The following VPS39 variants were observed in gnomAD, a reference collection of about 807,000 sequenced individuals.
VPS39 encodes the protein VPS39 subunit of HOPS complex.
Under a neutral mutation model 121.0 loss-of-function variants are expected in VPS39, and 70 were observed. That is an observed-to-expected ratio of 0.58 (90% confidence interval 0.48 to 0.71). VPS39 has a LOEUF of 0.71. Among genes scored for constraint, VPS39 ranks in the 30% least tolerant of loss-of-function variants. The probability of loss-of-function intolerance (pLI) is 0.00; values close to 1 mark genes in which losing one functional copy is unlikely to be tolerated. For synonymous variants in VPS39, 378 were observed against 398.1 expected, an observed-to-expected ratio of 0.95 and a Z score of 0.60; for missense variants, 818 against 1,051.5, an observed-to-expected ratio of 0.78 and a Z score of 3.07.
intron 10 of VPS39, among the ~76,000 whole-genome samples, chr15:42,176,324 A>C (rs1348263187): frequency 6.6e-6 from 1 of 152,170 alleles, no homozygotes; most frequent in African/African-American, 2.4e-5. Context: ...AATATATGTA[A>C]AAGATTAAAC....
At position 42,191,132 on chromosome 15, in the gene VPS39, G is replaced by A. The variant is rs894359335; in HGVS notation, c.240C>T (p.Ser80=). 8.1e-6 allele frequency: 13 copies of A among 1,613,980 alleles called. No homozygotes were observed. The African/African-American group carries it at 1.7e-4, about 22-fold the overall frequency. The change falls in exon 4 of 25, where the codon AGC becomes AGT. Residue 80 remains serine (S), a synonymous_variant. Coordinates refer to ENST00000318006, the MANE Select transcript of VPS39 (RefSeq NM_015289.5). ...HVVSQFKILV[S]LLENNIYVHD... ...TGCAACTCCTTTTCTTACCTAACAAGCTGACCAGAATCTTAAACTGGGAAA... is the reference window on the plus strand; with the variant it reads ...TGCAACTCCTTTTCTTACCTAACAAACTGACCAGAATCTTAAACTGGGAAA...
chr15:42,178,579 G>T lies in VPS39; in HGVS notation c.719-9C>A, dbSNP rs761669317. 1.3e-4 allele frequency: 214 copies of T among 1,613,954 alleles called. 4 individuals are homozygous for T. In the South Asian group the frequency reaches 2.2e-3, roughly 17 times the overall value. ...GTAGGGAGGCTGGTGCTCTGTGAAAGAGAACATACACAGCAGTTGTTCCGG... is the reference window on the plus strand; with the variant it reads ...GTAGGGAGGCTGGTGCTCTGTGAAATAGAACATACACAGCAGTTGTTCCGG... On this transcript the variant is annotated splice_polypyrimidine_tract_variant and intron_variant, in intron 8 of 24. Coordinates refer to ENST00000318006, the MANE Select transcript of VPS39 (RefSeq NM_015289.5).
In VPS39 at chr15:42,164,446, C is replaced by T. The variant is rs148867918; in HGVS notation, c.1938G>A (p.Leu646=). ...TGAGGAGCTTTTGCCGGTATTCTCC[C>T]AGCTCACCCTCTTCCTCTCCAGCTG... ...PVPAGEEEGE[L]GEYRQKLLMF... The change falls in exon 19 of 25, where the codon CTG becomes CTA. Residue 646 remains leucine, a synonymous_variant. Coordinates refer to ENST00000318006, the MANE Select transcript of VPS39 (RefSeq NM_015289.5). The T allele has an allele frequency of 1.9e-5, 31 of 1,614,114 alleles. No individual in the cohort carries two copies. In the African/African-American group the frequency reaches 4.0e-4, roughly 21 times the overall value.
chr15:42,187,610 T>C, intron 6 of VPS39, 148 bp downstream of exon 6: 5 of 782,202 alleles, frequency 6.4e-6, no homozygotes, highest in Non-Finnish European at 1.1e-5. Context: ...TAGAATCATA[T>C]TACAAGTAGG....
intron 1 of VPS39, among the ~76,000 whole-genome samples, chr15:42,204,746 GAA>G (rs2050136048): frequency 6.6e-6 from 1 of 151,978 alleles, no homozygotes; most frequent in Non-Finnish European, 1.5e-5. Flanking sequence ...CTAAAACGAC[GAA>G]AAGTCTAGTT....
At chr15:42,175,512 C>T (rs2049434750) in intron 10 of VPS39, among the ~76,000 whole-genome samples, 1 of 152,204 alleles carries the variant, frequency 6.6e-6, no homozygotes, top group South Asian at 2.1e-4. Flanking sequence ...AATGCAGCTG[C>T]TATGAGCTTT....
rs755418166 is a variant in VPS39, at chr15:42,164,983, A to G, written c.1897+13T>C. 13 of 1,613,978 alleles carry G rather than the reference A, an allele frequency of 8.1e-6. No homozygotes were observed. In the Admixed American group the frequency reaches 1.8e-4, roughly 23 times the overall value. On this transcript the variant is annotated intron_variant, in intron 18 of 24. Transcript: ENST00000318006. ...AGGCCTGGGGCCAACCGGCTTCCTA[A>G]AAGAACTGGTACCTGCAGGGAAGGA...
intron 1 of VPS39, among the ~76,000 whole-genome samples, chr15:42,206,494 A>G (rs1427558168): frequency 6.6e-6 from 1 of 152,188 alleles, no homozygotes; most frequent in Non-Finnish European, 1.5e-5. Context: ...GGTGCAAGGA[A>G]TCTTTACTGT....
intron 10 of VPS39, among the ~76,000 whole-genome samples, chr15:42,175,696 C>T (rs2049439177): frequency 6.6e-6 from 1 of 152,004 alleles, no homozygotes; most frequent in Non-Finnish European, 1.5e-5. Flanking sequence ...CGCTCTCCTG[C>T]TTGGTGCTTC....
chr15:42,163,253 C>T, intron 21 of VPS39, 97 bp downstream of exon 21: 1 of 1,433,248 alleles, frequency 7.0e-7, no homozygotes, highest in Non-Finnish European at 9.8e-7. Flanking sequence ...CTGACTCGTG[C>T]CCTGTCTTAT....
At chr15:42,163,433 G>C in intron 20 of VPS39, 38 bp from the exon 21 acceptor site, 1 of 1,613,066 alleles carries the variant, frequency 6.2e-7, no homozygotes, top group Non-Finnish European at 8.5e-7. Flanking sequence ...GTGGTGTGAG[G>C]GGGGCACATC....
rs2049107711 is a variant in VPS39 at position 42,160,545 on chromosome 15, G to A, written c.*209C>T. On this transcript the variant is annotated 3_prime_UTR_variant, in exon 25 of 25. Transcript: ENST00000318006. The stretch of plus-strand genomic sequence containing the variant: ...ATTGCCCACAACATAATGGTATAAG[G>A]TATAACTAATCTCTTTTCCCATTAA... 1.7e-6 allele frequency: 1 copy of A among 591,610 alleles called. No individual in the cohort carries two copies. Among genetic ancestry groups the A allele is most frequent in the Non-Finnish European group, 3.0e-6 (1 of 330,294 alleles). 36.6% of individuals were successfully genotyped at this position (591,610 alleles called of 1,614,324 possible).
rs187182349 is a variant in VPS39, at chr15:42,203,570, C to T, written c.74-3609G>A. On this transcript the variant is annotated intron_variant, in intron 1 of 24. Coordinates refer to ENST00000318006, the MANE Select transcript of VPS39 (RefSeq NM_015289.5). ...AGGAGAACCACTTGAACACTGGCGGCGGAGGTTGCAGTGAGTGGAGATTGT... is the reference window on the plus strand; with the variant it reads ...AGGAGAACCACTTGAACACTGGCGGTGGAGGTTGCAGTGAGTGGAGATTGT... Among the ~76,000 whole-genome samples, 263 of 150,528 alleles carry T rather than the reference C, an allele frequency of 1.7e-3. 3 individuals are homozygous for T. Among genetic ancestry groups the T allele is most frequent in the Non-Finnish European group, 1.4e-3 (92 of 67,698 alleles).
chr15:42,203,650 A>T (rs1457892372), intron 1 of VPS39, among the ~76,000 whole-genome samples: 1 of 152,174 alleles, frequency 6.6e-6, no homozygotes, highest in Non-Finnish European at 1.5e-5. Context: ...TCCAAAAAAA[A>T]AATTAATTAA....
At position 42,200,958 on chromosome 15, in the gene VPS39, C is replaced by T. The variant is rs143263042; in HGVS notation, c.74-997G>A. 1.1e-3 allele frequency among the ~76,000 whole-genome samples: 163 copies of T among 152,262 alleles called. 1 individual carries two copies. The highest frequency in any genetic ancestry group is 3.8e-3 in the African/African-American group (156 of 41,548). On this transcript the variant is annotated intron_variant, in intron 1 of 24. Coordinates refer to ENST00000318006, the MANE Select transcript of VPS39 (RefSeq NM_015289.5). ...CTGAAGGAAGCCAGACAAAAGGCCA[C>T]GTGATTCCATTTATATGAAATGTCC...
In VPS39 at chr15:42,164,134, A is replaced by C. The variant is rs2049194394; in HGVS notation, c.2026+224T>G. ...TGTTCTGAAGCAAAAAACAGGTTGC[A>C]ACCTGGCTATCAATTAGCATGTGGT... On this transcript the variant is annotated intron_variant, in intron 19 of 24. Coordinates refer to ENST00000318006, the MANE Select transcript of VPS39 (RefSeq NM_015289.5). Among the ~76,000 whole-genome samples, 2 of 152,228 alleles carry C rather than the reference A, an allele frequency of 1.3e-5. No individual in the cohort carries two copies. Among genetic ancestry groups the C allele is most frequent in the Non-Finnish European group, 2.9e-5 (2 of 68,034 alleles).
chr15:42,177,505 A>T (rs1037443831), intron 10 of VPS39, among the ~76,000 whole-genome samples: 1 of 152,164 alleles, frequency 6.6e-6, no homozygotes, highest in Admixed American at 6.5e-5. Flanking sequence ...TTATCCAAAC[A>T]TAGGAGTCTA....
chr15:42,202,760 A>C (rs1025090722), intron 1 of VPS39, among the ~76,000 whole-genome samples: 1 of 152,078 alleles, frequency 6.6e-6, no homozygotes, highest in Non-Finnish European at 1.5e-5. Context: ...ATGGTACCTC[A>C]TGACAGCCTC....
intron 3 of VPS39, 55 bp from the exon 4 acceptor site, chr15:42,191,222 A>G: frequency 6.3e-7 from 1 of 1,596,506 alleles, no homozygotes; most frequent in East Asian, 2.2e-5. Context: ...AGGTTTAGCA[A>G]ATGTTCATTC....
Sources: gnomAD v4.1 joint callset for allele counts (sites outside exome capture counted in the v4.1 genomes callset) on GRCh38, gnomAD v4.1.1 for gene constraint, MANE v1.5 for transcripts, NCBI Gene and HGNC (gene_info 2026-07-23, HGNC 2026-07-21) for gene names.